TNK2: variants seen among roughly 807,000 people sequenced by gnomAD.
The protein encoded by TNK2 is tyrosine kinase non receptor 2.
A neutral mutation model predicts 101.8 loss-of-function variants in TNK2; 83 were observed. That is an observed-to-expected ratio of 0.82 (90% confidence interval 0.68 to 0.98). The LOEUF (loss-of-function observed/expected upper bound fraction) is 0.98, where lower values mean the gene tolerates loss of function less well. TNK2 is among the 50% of genes least tolerant of loss of function. TNK2 has a pLI of 0.00. For synonymous variants in TNK2, 804 were observed against 633.0 expected, an observed-to-expected ratio of 1.27 and a Z score of -4.06; for missense variants, 1,665 against 1,483.2, an observed-to-expected ratio of 1.12 and a Z score of -2.01.
At chr3:195,898,937 A>C (rs1760928823) in intron 1 of TNK2, among the ~76,000 whole-genome samples, 1 of 152,086 alleles carries the variant, frequency 6.6e-6, no homozygotes, top group South Asian at 2.1e-4. Flanking sequence ...TCTACTAAAA[A>C]ATATAAAAAT....
intron 15 of TNK2, among the ~76,000 whole-genome samples, chr3:195,865,475 G>A (rs1316920617): frequency 6.8e-6 from 1 of 147,392 alleles, no homozygotes; most frequent in Non-Finnish European, 1.5e-5. Flanking sequence ...CCGAGTGCCT[G>A]CATCCCAGGT....
At chr3:195,873,528 G>A (rs1185638429) in intron 9 of TNK2, among the ~76,000 whole-genome samples, 3 of 152,024 alleles carry the variant, frequency 2.0e-5, no homozygotes, top group Non-Finnish European at 4.4e-5. Context: ...CGTGGGCAGA[G>A]TCTGGGCACG....
chr3:195,864,216 T>TA (rs1356775394), intron 15 of TNK2, 29 bp from the exon 16 acceptor site: 28 of 1,613,658 alleles, frequency 1.7e-5, no homozygotes, highest in East Asian at 2.2e-5. Flanking sequence ...CCAGCACAGT[T>TA]AAACAGTTTA....
At chr3:195,871,904 C>T (rs1224224203) in intron 10 of TNK2, among the ~76,000 whole-genome samples, 6 of 151,576 alleles carry the variant, frequency 4.0e-5, no homozygotes, top group Non-Finnish European at 5.9e-5. Flanking sequence ...CTGGAGAACG[C>T]TCCCCGGAGA....
intron 6 of TNK2, among the ~76,000 whole-genome samples, chr3:195,881,371 T>A (rs1250309755): frequency 1.8e-4 from 1 of 5,498 alleles, no homozygotes; most frequent in African/African-American, 1.3e-3. Context: ...ACAGCATCTA[T>A]CCCTGTAACA....
intron 12 of TNK2, 32 bp from the exon 13 acceptor site, chr3:195,868,741 G>A (rs1169777129): frequency 1.3e-6 from 2 of 1,519,994 alleles, no homozygotes; most frequent in Non-Finnish European, 1.8e-6. Context: ...CAACAGGAAG[G>A]CAGTCAGGCA....
chr3:195,883,950 C>T (rs1754434459), intron 4 of TNK2: 1 of 151,958 alleles, frequency 6.6e-6, no homozygotes, highest in South Asian at 2.1e-4. Flanking sequence ...GAAGGATGCA[C>T]TGAGTGACAG....
Position 195,867,158 on chromosome 3 carries a change from G to A in TNK2, c.3033+11C>T, listed in dbSNP as rs775472108. On this transcript the variant is annotated intron_variant, in intron 14 of 15. Transcript: ENST00000672887. ...TCCCTGAGAGCCAGAGTGAGCAGGAGGTGGCGGTACCTTCAGATACTGGGC... is the reference window on the plus strand; with the variant it reads ...TCCCTGAGAGCCAGAGTGAGCAGGAAGTGGCGGTACCTTCAGATACTGGGC... 6.8e-6 allele frequency: 11 copies of A among 1,612,324 alleles called. No individual in the cohort carries two copies. Among genetic ancestry groups the A allele is most frequent in the African/African-American group, 1.3e-5 (1 of 74,922 alleles).
Position 195,882,395 on chromosome 3 carries a change from G to C in TNK2, c.610-67C>G. 6.3e-7 allele frequency: 1 copy of C among 1,593,334 alleles called. No individual in the cohort carries two copies. The highest frequency in any genetic ancestry group is 8.6e-7 in the Non-Finnish European group (1 of 1,168,148). On this transcript the variant is annotated intron_variant, in intron 5 of 15. Transcript: ENST00000672887. The surrounding 1 kb of genome is among the most constrained non-coding windows in gnomAD (Gnocchi z 4.2). Reference sequence around the variant, plus strand: ...CTGCCCCTTCTCAGCAGCCCACGCTGGGCCCCCAGTCCCCTTCCTGAAGGC... The same window carrying C: ...CTGCCCCTTCTCAGCAGCCCACGCTCGGCCCCCAGTCCCCTTCCTGAAGGC...
intron 9 of TNK2, among the ~76,000 whole-genome samples, chr3:195,875,788 G>A (rs552970173): frequency 1.8e-4 from 27 of 152,250 alleles, no homozygotes; most frequent in Non-Finnish European, 3.1e-4. Flanking sequence ...CAACACCTCC[G>A]CATGAACCTT....
Position 195,869,498 on chromosome 3 carries a change from C to CT in TNK2, c.1586dup (p.Lys530GlufsTer5). Reference sequence around the variant, plus strand: ...GGCATCGGAAGCAGCCCCACTTACTCTGAGTGAAGAAGGCAGGCTGAGGTG... The same window carrying CT: ...GGCATCGGAAGCAGCCCCACTTACTCTTGAGTGAAGAAGGCAGGCTGAGGTG... On this transcript the variant is annotated frameshift_variant and splice_region_variant, in exon 12 of 16. Transcript: ENST00000672887. LOFTEE classifies it high-confidence loss of function. The CT allele has an allele frequency of 6.4e-7, 1 of 1,550,762 alleles. No homozygotes were observed.
At chr3:195,868,899 G>A (rs1388795260) in intron 12 of TNK2, 190 bp from the exon 13 acceptor site, 14 of 635,986 alleles carry the variant, frequency 2.2e-5, no homozygotes, top group East Asian at 1.3e-4. Context: ...TCAGGAGGGC[G>A]GAACCTGCTC....
intron 6 of TNK2, among the ~76,000 whole-genome samples, chr3:195,881,847 C>T (rs183164702): frequency 3.9e-5 from 6 of 152,278 alleles, no homozygotes; most frequent in African/African-American, 1.4e-4. Flanking sequence ...CTGTGATTTC[C>T]AGCACCCAGA....
Position 195,868,161 on chromosome 3 carries a change from G to A in TNK2, c.2137C>T (p.Pro713Ser), listed in dbSNP as rs746789643. The A allele has an allele frequency of 1.2e-5, 20 of 1,610,764 alleles. No individual in the cohort carries two copies. Among genetic ancestry groups the A allele is most frequent in the Non-Finnish European group, 1.5e-5 (18 of 1,179,196 alleles). ...ATCTCTGCGGTCTGTGCGGAGCTGG[G>A]CGGCTTGCCCCCACCCTGGGGCGGG... ...FLPPQGGGKPPSSAQTAEIFQ... is the reference protein window; with the variant it reads ...FLPPQGGGKPSSSAQTAEIFQ... The change falls in exon 13 of 16, where the codon CCC becomes TCC. Residue 713 changes from proline (P) to serine (S), a missense_variant. Physicochemically the swap from Pro to Ser is moderately conservative, Grantham distance 74. Coordinates refer to ENST00000672887, the MANE Select transcript of TNK2 (RefSeq NM_001382273.1).
Position 195,885,317 on chromosome 3 carries a change from G to A in TNK2, c.235-284C>T, listed in dbSNP as rs1478611992. On this transcript the variant is annotated intron_variant, in intron 3 of 15. Transcript: ENST00000672887. The surrounding 1 kb of genome is among the most constrained non-coding windows in gnomAD (Gnocchi z 4.7). ...GCGGCCCCACACCCAGCTGTGTGGA[G>A]AGGGAGGGCACCGCCCAGCCAAGGT... 6 of 1,379,076 alleles carry A rather than the reference G, an allele frequency of 4.4e-6. No homozygotes were observed. The highest frequency in any genetic ancestry group is 5.7e-6 in the Non-Finnish European group (6 of 1,052,548). The allele number at this position is 1,379,076 out of a possible 1,614,324, so 85.4% of individuals were successfully genotyped here. A position where few individuals can be genotyped will look rare whatever the true frequency, so the allele number is the denominator to read the frequency against.
intron 2 of TNK2, among the ~76,000 whole-genome samples, chr3:195,887,737 GCGTGTGTGTGCACA>G (rs1368674553): frequency 1.3e-5 from 2 of 151,682 alleles, no homozygotes; most frequent in Non-Finnish European, 2.9e-5. Context: ...GTGTGTATGT[GCGTGTGTGTGCACA>G]CGCGTGTGCG....
intron 1 of TNK2, chr3:195,894,374 A>C (rs1276444865): frequency 6.6e-6 from 1 of 152,242 alleles, no homozygotes; most frequent in Non-Finnish European, 1.5e-5. Context: ...CTGCGGGAAG[A>C]AGCAAAGTAT....
Position 195,884,863 on chromosome 3 carries a change from A to C in TNK2, c.405T>G (p.Gly135=). The change falls in exon 4 of 16, where the codon GGT becomes GGG. Residue 135 remains glycine, a synonymous_variant. Coordinates refer to ENST00000672887, the MANE Select transcript of TNK2 (RefSeq NM_001382273.1). The part of the protein sequence containing the change: ...DLRLLEKLGD[G]SFGVVRRGEW... ...CGCCCCTGCGCACCACGCCAAAGGA[A>C]CCATCACCCAGCTTCTCCAGGAGGC... 6.2e-7 allele frequency: 1 copy of C among 1,613,634 alleles called. No individual in the cohort carries two copies. The highest frequency in any genetic ancestry group is 8.5e-7 in the Non-Finnish European group (1 of 1,179,962).
At position 195,882,397 on chromosome 3, in the gene TNK2, GC is replaced by G; in HGVS notation, c.610-70del. The G allele has an allele frequency of 6.3e-7, 1 of 1,591,738 alleles. No individual in the cohort carries two copies. ...GCCCCTTCTCAGCAGCCCACGCTGGGCCCCCAGTCCCCTTCCTGAAGGCTTT... is the reference window on the plus strand; with the variant it reads ...GCCCCTTCTCAGCAGCCCACGCTGGGCCCCAGTCCCCTTCCTGAAGGCTTT... On this transcript the variant is annotated intron_variant, in intron 5 of 15. Coordinates refer to ENST00000672887, the MANE Select transcript of TNK2 (RefSeq NM_001382273.1). This position sits in a 1 kb window ranked among gnomAD's most constrained non-coding sequence, Gnocchi z 4.2.
Sources: allele counts gnomAD v4.1 joint callset (sites outside exome capture counted in the v4.1 genomes callset), GRCh38; gene constraint gnomAD v4.1.1; non-coding constraint Gnocchi (gnomAD v3.1); transcripts MANE v1.5; gene names NCBI Gene and HGNC (gene_info 2026-07-23, HGNC 2026-07-21).